The following NUBP1 variants were observed in gnomAD, a reference collection of about 807,000 sequenced individuals.
The protein encoded by NUBP1 is NUBP iron-sulfur cluster assembly factor 1, cytosolic.
Under a neutral mutation model 41.8 loss-of-function variants are expected in NUBP1, and 46 were observed. That is an observed-to-expected ratio of 1.10 (90% CI 0.87 to 1.41). NUBP1 has a LOEUF of 1.41. Among genes scored for constraint, NUBP1 ranks in the 40% most tolerant of loss-of-function variants. The probability of loss-of-function intolerance (pLI) is 0.00; values close to 1 mark genes in which losing one functional copy is unlikely to be tolerated. For missense variants in NUBP1, 494 were observed against 414.0 expected (o/e 1.19, Z -1.68); for synonymous variants, 189 against 154.6 (o/e 1.22, Z -1.65).
In NUBP1 at chr16:10,765,327, T is replaced by TAAAAA. The variant is rs533208449; in HGVS notation, c.821-2604_821-2600dup. On this transcript the variant is annotated intron_variant, in intron 9 of 10. Transcript: ENST00000283027. The surrounding 1 kb of genome is among the most constrained non-coding windows in gnomAD (Gnocchi z 4.0). ...TAACACAGGAAGATACCTCATCTCT[T>TAAAAA]AAAAAAAAAAAAAAAAAAAAAAGGA... Among the ~76,000 whole-genome samples the TAAAAA allele has an allele frequency of 2.7e-5, 3 of 111,260 alleles. No homozygotes were observed. Among genetic ancestry groups the TAAAAA allele is most frequent in the African/African-American group, 6.8e-5 (2 of 29,400 alleles). The allele number at this position is 111,260 out of a possible 152,430, so 73.0% of individuals were successfully genotyped here.
Position 10,761,790 on chromosome 16 carries a change from G to A in NUBP1, c.751G>A (p.Gly251Ser), listed in dbSNP as rs1230308765. ...TCAGATATTCCCTCCCACAACCGGG[G>A]GCGCGGAGCTCATGTGCCAGGACTT... ...ESQIFPPTTG[G>S]AELMCQDLEV... Residue 251 changes from glycine (G) to serine (S), a missense_variant, in exon 9 of 11, where the codon GGC (glycine) becomes AGC (serine). Physicochemically the swap from Gly to Ser is moderately conservative, Grantham distance 56 (BLOSUM62 0). Transcript: ENST00000283027. 2 of 1,613,980 alleles carry A rather than the reference G, an allele frequency of 1.2e-6. No homozygotes were observed. The highest frequency in any genetic ancestry group is 1.3e-5 in the African/African-American group (1 of 74,928).
Position 10,767,218 on chromosome 16 carries a change from C to T in NUBP1, c.821-731C>T. On this transcript the variant is annotated intron_variant, in intron 9 of 10. Transcript: ENST00000283027. This position sits in a 1 kb window ranked among gnomAD's most constrained non-coding sequence, Gnocchi z 4.6. Reference sequence around the variant, plus strand: ...CACGACTGGGGGCTGGCAGGGCAGACTGGAGGCGAGAACACCCCCATTGAC... The same window carrying T: ...CACGACTGGGGGCTGGCAGGGCAGATTGGAGGCGAGAACACCCCCATTGAC... 1 of 399,798 alleles carries T rather than the reference C, an allele frequency of 2.5e-6. No homozygotes were observed. Among genetic ancestry groups the T allele is most frequent in the African/African-American group, 2.1e-5 (1 of 48,772 alleles). 24.8% of individuals were successfully genotyped at this position (399,798 alleles called of 1,614,324 possible).
chr16:10,765,362 C>G lies in NUBP1; in HGVS notation c.821-2587C>G, dbSNP rs569664611. ...AAAAAAAAAAAAAGGAAAAAATTCA[C>G]CCAGTGTGGTGGCATGTGCCTGTGG... On this transcript the variant is annotated intron_variant, in intron 9 of 10. Coordinates refer to ENST00000283027, the MANE Select transcript of NUBP1 (RefSeq NM_002484.4). This position sits in a 1 kb window ranked among gnomAD's most constrained non-coding sequence, Gnocchi z 4.0. Among the ~76,000 whole-genome samples, 2 of 148,344 alleles carry G rather than the reference C, an allele frequency of 1.3e-5. No homozygotes were observed. The highest frequency in any genetic ancestry group is 4.9e-5 in the African/African-American group (2 of 40,674).
At position 10,757,798 on chromosome 16, in the gene NUBP1, T is replaced by A; in HGVS notation, c.452-75T>A. 7.8e-5 allele frequency: 95 copies of A among 1,221,106 alleles called. No homozygotes were observed. The highest frequency in any genetic ancestry group is 1.1e-4 in the South Asian group (7 of 65,460). The allele number at this position is 1,221,106 out of a possible 1,614,324, so 75.6% of individuals were successfully genotyped here. A position where few individuals can be genotyped will look rare whatever the true frequency, so the allele number is the denominator to read the frequency against. On this transcript the variant is annotated intron_variant, in intron 6 of 10. Coordinates refer to ENST00000283027, the MANE Select transcript of NUBP1 (RefSeq NM_002484.4). This position sits in a 1 kb window ranked among gnomAD's most constrained non-coding sequence, Gnocchi z 4.1. The stretch of plus-strand genomic sequence containing the variant: ...GGCAACATAGCAAGACCCCATCCTT[T>A]AAAAAAAAAAGAGGGAGTTGAAAGT...
At chr16:10,762,831 GC>G (rs1159543582) in intron 9 of NUBP1, among the ~76,000 whole-genome samples, 1 of 147,932 alleles carries the variant, frequency 6.8e-6, no homozygotes, top group Admixed American at 6.7e-5. Context: ...AGAGGGCGGG[GC>G]CCGTGGAGAG....
At chr16:10,760,224 G>A (rs1387616244) in intron 7 of NUBP1, among the ~76,000 whole-genome samples, 6 of 152,230 alleles carry the variant, frequency 3.9e-5, no homozygotes, top group South Asian at 2.1e-4. Context: ...TAGGCGTTGC[G>A]GACCCCACGG....
At chr16:10,753,747 C>G (rs1385356206) in intron 4 of NUBP1, among the ~76,000 whole-genome samples, 1 of 151,826 alleles carries the variant, frequency 6.6e-6, no homozygotes, top group African/African-American at 2.4e-5. Flanking sequence ...GTCAAAGGTG[C>G]CCTCACTGAG....
intron 4 of NUBP1, among the ~76,000 whole-genome samples, chr16:10,755,230 G>A (rs1271259472): frequency 6.6e-6 from 1 of 152,178 alleles, no homozygotes; most frequent in African/African-American, 2.4e-5. Context: ...CTGGACACCT[G>A]CTGGGGGGAA....
intron 7 of NUBP1, among the ~76,000 whole-genome samples, chr16:10,758,818 C>T (rs1232937045): frequency 2.0e-5 from 3 of 152,176 alleles, no homozygotes; most frequent in South Asian, 2.1e-4. Flanking sequence ...TCGCTTCTTC[C>T]GTAGTGACAC....
In NUBP1 at chr16:10,768,273, A is replaced by C. The variant is rs766902494; in HGVS notation, c.904+241A>C. ...ATGGCTTAGGAAATACATCCCAATA[A>C]AGGGATAAAGTAATTCATTTTTAAA... On this transcript the variant is annotated intron_variant, in intron 10 of 10. Transcript: ENST00000283027. The surrounding 1 kb of genome is among the most constrained non-coding windows in gnomAD (Gnocchi z 4.3). The C allele has an allele frequency of 7.0e-5, 25 of 358,970 alleles. No individual in the cohort carries two copies. The highest frequency in any genetic ancestry group is 6.4e-5 in the African/African-American group (3 of 47,014). The allele number at this position is 358,970 out of a possible 1,614,324, so 22.2% of individuals were successfully genotyped here.
rs11865222 is a variant in NUBP1 at position 10,759,751 on chromosome 16, G to C, written c.607-1613G>C. Among the ~76,000 whole-genome samples, 798 of 152,278 alleles carry C rather than the reference G, an allele frequency of 5.2e-3. 8 individuals carry two copies. Among genetic ancestry groups the C allele is most frequent in the African/African-American group, 0.018 (759 of 41,556 alleles). ...AGATCGCGCCACTGCACTCCAGCCT[G>C]GGCGACAGAGCAAGACTCTGTCTCA... is the stretch of plus-strand genomic sequence containing the variant. On this transcript the variant is annotated intron_variant, in intron 7 of 10. Transcript: ENST00000283027. This position sits in a 1 kb window ranked among gnomAD's most constrained non-coding sequence, Gnocchi z 4.7.
At position 10,747,009 on chromosome 16, in the gene NUBP1, A is replaced by G; in HGVS notation, c.125-134A>G. 5 of 967,816 alleles carry G rather than the reference A, an allele frequency of 5.2e-6. No individual in the cohort carries two copies. In the Admixed American group the frequency reaches 1.2e-4, roughly 23 times the overall value. 60.0% of individuals were successfully genotyped at this position (967,816 alleles called of 1,614,324 possible). A position where few individuals can be genotyped will look rare whatever the true frequency, so the allele number is the denominator to read the frequency against. On this transcript the variant is annotated intron_variant, in intron 2 of 10. Transcript: ENST00000283027. ...TTATTTCTACCATTGTCTGAGAGGT[A>G]TTTCAGAGGATCGTTTTAAACAGCC...
At chr16:10,743,926 G>C (rs2142641533) in intron 1 of NUBP1, 35 bp from the exon 2 acceptor site, 1 of 1,583,916 alleles carries the variant, frequency 6.3e-7, no homozygotes, top group East Asian at 2.3e-5. Context: ...GAAAGTGTCG[G>C]GAGCTGCTCT....
rs781270459 is a variant in NUBP1, at chr16:10,752,685, G to A, written c.327+7G>A. On this transcript the variant is annotated splice_region_variant and intron_variant, in intron 4 of 10. Transcript: ENST00000283027. Reference sequence around the variant, plus strand: ...GGGATTGGAAGGAGAGCAGGTAATAGCCGGTTACAGAACTCAGGAAATTAT... The same window carrying A: ...GGGATTGGAAGGAGAGCAGGTAATAACCGGTTACAGAACTCAGGAAATTAT... 1 of 1,612,376 alleles carries A rather than the reference G, an allele frequency of 6.2e-7. No individual in the cohort carries two copies. Among genetic ancestry groups the A allele is most frequent in the East Asian group, 2.2e-5 (1 of 44,864 alleles).
intron 7 of NUBP1, among the ~76,000 whole-genome samples, chr16:10,760,314 T>C (rs960003698): frequency 1.3e-5 from 2 of 152,128 alleles, no homozygotes; most frequent in African/African-American, 4.8e-5. Context: ...GCATGGCTGG[T>C]TCCGGAGGAA....
rs775337189 is a variant in NUBP1, at chr16:10,766,863, G to A, written c.821-1086G>A. On this transcript the variant is annotated intron_variant, in intron 9 of 10. Coordinates refer to ENST00000283027, the MANE Select transcript of NUBP1 (RefSeq NM_002484.4). This position sits in a 1 kb window ranked among gnomAD's most constrained non-coding sequence, Gnocchi z 4.8. Reference sequence around the variant, plus strand: ...AGTTACAAAGTCATTTACGGCATACGTCCTATGGAGAGGACATTTCCTGTT... The same window carrying A: ...AGTTACAAAGTCATTTACGGCATACATCCTATGGAGAGGACATTTCCTGTT... The A allele has an allele frequency of 7.5e-6, 3 of 398,270 alleles. No homozygotes were observed. The highest frequency in any genetic ancestry group is 1.3e-5 in the Non-Finnish European group (3 of 226,072). The allele number at this position is 398,270 out of a possible 1,614,324, so 24.7% of individuals were successfully genotyped here.
intron 2 of NUBP1, 63 bp downstream of exon 2, chr16:10,744,128 G>C: frequency 7.6e-7 from 1 of 1,312,598 alleles, no homozygotes. Context: ...GGCGGGGCGT[G>C]GGAGGGAGGG....
chr16:10,769,272 T>C lies in NUBP1; in HGVS notation c.*167T>C. ...AGAGACACTTTAATCATTGAGTATT[T>C]GTACACTTTTCTTTAGAACATATAT... On this transcript the variant is annotated 3_prime_UTR_variant, in exon 11 of 11. Transcript: ENST00000283027. The C allele has an allele frequency of 1.7e-6, 1 of 599,672 alleles. No individual in the cohort carries two copies. The highest frequency in any genetic ancestry group is 3.0e-6 in the Non-Finnish European group (1 of 336,218). 37.1% of individuals were successfully genotyped at this position (599,672 alleles called of 1,614,324 possible). A position where few individuals can be genotyped will look rare whatever the true frequency, so the allele number is the denominator to read the frequency against.
chr16:10,759,227 A>G lies in NUBP1; in HGVS notation c.606+1200A>G, dbSNP rs1013560545. Among the ~76,000 whole-genome samples the G allele has an allele frequency of 1.3e-5, 2 of 152,214 alleles. No homozygotes were observed. Among genetic ancestry groups the G allele is most frequent in the African/African-American group, 2.4e-5 (1 of 41,462 alleles). The stretch of plus-strand genomic sequence containing the variant: ...GCCCCTGTGGCTCCCTGAGGAACAC[A>G]GGTGCTGGACACAGGGATGAGGGTA... On this transcript the variant is annotated intron_variant, in intron 7 of 10. Coordinates refer to ENST00000283027, the MANE Select transcript of NUBP1 (RefSeq NM_002484.4). This position sits in a 1 kb window ranked among gnomAD's most constrained non-coding sequence, Gnocchi z 4.7.
Sources: gnomAD v4.1 joint callset for allele counts (sites outside exome capture counted in the v4.1 genomes callset) on GRCh38, gnomAD v4.1.1 for gene constraint, Gnocchi (gnomAD v3.1) non-coding constraint, MANE v1.5 for transcripts, NCBI Gene and HGNC (gene_info 2026-07-23, HGNC 2026-07-21) for gene names.